ZBTB40: variants seen among roughly 807,000 people sequenced by gnomAD.
ZBTB40 encodes the protein zinc finger and BTB domain-containing protein 40.
A neutral mutation model predicts 117.5 loss-of-function variants in ZBTB40; 60 were observed. The ratio of observed to expected loss-of-function variants is 0.51; its 90% CI spans 0.41 to 0.63. The LOEUF (loss-of-function observed/expected upper bound fraction) is 0.63. Among genes scored for constraint, ZBTB40 ranks in the 30% least tolerant of loss-of-function variants. The pLI, the probability that ZBTB40 is intolerant of heterozygous loss-of-function variation, is 0.00. For synonymous variants in ZBTB40, 525 were observed against 577.1 expected (o/e 0.91, Z 1.29); for missense variants, 1,287 against 1,498.5 (o/e 0.86, Z 2.33).
intron 5 of ZBTB40, among the ~76,000 whole-genome samples, chr1:22,505,487 C>A (rs551937343): frequency 7.6e-4 from 115 of 152,172 alleles, no homozygotes; most frequent in African/African-American, 2.7e-3. Flanking sequence ...AATAAGGAAT[C>A]CACAAGAAAA....
intron 3 of ZBTB40, among the ~76,000 whole-genome samples, chr1:22,496,678 C>T (rs1638783938): frequency 6.6e-6 from 1 of 152,184 alleles, no homozygotes; most frequent in Admixed American, 6.5e-5. Context: ...TATGGCAACA[C>T]CATCATCAGG....
Position 22,513,582 on chromosome 1 carries a change from T to C in ZBTB40, c.2668+452T>C, listed in dbSNP as rs531947347. 2.6e-5 allele frequency among the ~76,000 whole-genome samples: 4 copies of C among 152,122 alleles called. No individual in the cohort carries two copies. The South Asian group carries it at 8.3e-4, about 32-fold the overall frequency. On this transcript the variant is annotated intron_variant, in intron 12 of 17. Transcript: ENST00000375647. This position sits in a 1 kb window ranked among gnomAD's most constrained non-coding sequence, Gnocchi z 4.9. ...CAGGCGTGGTGGCGGGCACCTGGAG[T>C]CTCAGCTACTCGGGAGGCTGAGGCA...
At chr1:22,480,844 C>G (rs996311245) in intron 1 of ZBTB40, among the ~76,000 whole-genome samples, 2 of 152,138 alleles carry the variant, frequency 1.3e-5, no homozygotes, top group Non-Finnish European at 2.9e-5. Context: ...TAATAAGCAA[C>G]TTTTATTGCT....
upstream of ZBTB40, among the ~76,000 whole-genome samples, chr1:22,447,589 T>C (rs112505316): frequency 1.4e-3 from 207 of 152,272 alleles, no homozygotes; most frequent in Non-Finnish European, 2.4e-3. Flanking sequence ...GCCATCTCAG[T>C]GGAAACTATT....
At chr1:22,462,063 A>G (rs145372714) in intron 1 of ZBTB40, among the ~76,000 whole-genome samples, 101 of 152,324 alleles carry the variant, frequency 6.6e-4, no homozygotes, top group African/African-American at 2.4e-3. Flanking sequence ...CCTGCACAGA[A>G]TAAGTAGGCT....
chr1:22,450,070 A>G (rs1174685664), upstream of ZBTB40, among the ~76,000 whole-genome samples: 1 of 151,850 alleles, frequency 6.6e-6, no homozygotes, highest in African/African-American at 2.4e-5. Context: ...CAGCATCCTG[A>G]GTAACTGGGA....
chr1:22,503,243 T>G (rs761895682), intron 5 of ZBTB40, among the ~76,000 whole-genome samples: 15 of 151,578 alleles, frequency 9.9e-5, no homozygotes, highest in Non-Finnish European at 1.5e-4. Context: ...GTATAAAAAT[T>G]TTCAAGCGTT....
chr1:22,464,073 A>G (rs764760359), intron 1 of ZBTB40, among the ~76,000 whole-genome samples: 20 of 152,228 alleles, frequency 1.3e-4, no homozygotes, highest in Non-Finnish European at 2.9e-5. Flanking sequence ...ATTATTGAGC[A>G]CTTGCTATGT....
chr1:22,521,358 C>A, intron 14 of ZBTB40, 138 bp from the exon 15 acceptor site: 2 of 1,083,138 alleles, frequency 1.8e-6, no homozygotes, highest in Non-Finnish European at 2.8e-6. Context: ...CATCAGCACC[C>A]GGTGTGATAG....
chr1:22,448,116 A>G (rs556420840), upstream of ZBTB40, among the ~76,000 whole-genome samples: 1 of 152,284 alleles, frequency 6.6e-6, no homozygotes, highest in South Asian at 2.1e-4. Context: ...GAATGTGGAG[A>G]GAAGACAGCA....
upstream of ZBTB40, among the ~76,000 whole-genome samples, chr1:22,450,135 G>A (rs1054887335): frequency 6.6e-6 from 1 of 152,032 alleles, no homozygotes; most frequent in African/African-American, 2.4e-5. Context: ...GTAGAGACGG[G>A]GGTTTCACCA....
chr1:22,505,509 A>G (rs1210999799), intron 5 of ZBTB40, among the ~76,000 whole-genome samples: 1 of 152,226 alleles, frequency 6.6e-6, no homozygotes, highest in African/African-American at 2.4e-5. Flanking sequence ...TAATCCAGAA[A>G]GGCACTTTAA....
intron 17 of ZBTB40, among the ~76,000 whole-genome samples, chr1:22,525,722 C>G (rs1639658015): frequency 6.6e-6 from 1 of 152,230 alleles, no homozygotes; most frequent in African/African-American, 2.4e-5. Flanking sequence ...TAAGCTCGGT[C>G]ACTGTGTGGC....
Position 22,468,617 on chromosome 1 carries a change from A to G in ZBTB40, c.-70+16613A>G, listed in dbSNP as rs146682173. On this transcript the variant is annotated intron_variant, in intron 1 of 17. Transcript: ENST00000375647. ...CAGCCTTCCAACTAGCTGGGAGTAT[A>G]GGCATGTGCCACCATGCCTGGCTGG... Among the ~76,000 whole-genome samples, 114 of 117,172 alleles carry G rather than the reference A, an allele frequency of 9.7e-4. 2 individuals carry two copies. The East Asian group carries it at 0.03, about 31-fold the overall frequency. The allele number at this position is 117,172 out of a possible 152,430, so 76.9% of individuals were successfully genotyped here. A position where few individuals can be genotyped will look rare whatever the true frequency, so the allele number is the denominator to read the frequency against.
intron 3 of ZBTB40, among the ~76,000 whole-genome samples, chr1:22,499,616 C>G (rs988760532): frequency 1.3e-5 from 2 of 152,158 alleles, no homozygotes; most frequent in African/African-American, 4.8e-5. Flanking sequence ...GTTTCTTACG[C>G]TAGTGATATG....
At chr1:22,503,394 C>A (rs974969638) in intron 5 of ZBTB40, among the ~76,000 whole-genome samples, 5 of 151,184 alleles carry the variant, frequency 3.3e-5, no homozygotes, top group Admixed American at 3.3e-4. Flanking sequence ...TTATTGATTT[C>A]AACTTTGTGC....
chr1:22,465,068 A>G (rs959498166), intron 1 of ZBTB40, among the ~76,000 whole-genome samples: 1 of 152,138 alleles, frequency 6.6e-6, no homozygotes, highest in Admixed American at 6.5e-5. Context: ...GAAAACAAAG[A>G]GCAGATTTAT....
Position 22,490,131 on chromosome 1 carries a change from C to T in ZBTB40, c.183C>T (p.Ile61=), listed in dbSNP as rs770873034. The change falls in exon 2 of 18, where the codon ATC becomes ATT. Residue 61 remains isoleucine, a synonymous_variant. Coordinates refer to ENST00000375647, the MANE Select transcript of ZBTB40 (RefSeq NM_014870.4). ...TGGATAACACAGATACCATCTCCATCGATGCATCTGTGGTGAGCCCCGAGG... is the reference window on the plus strand; with the variant it reads ...TGGATAACACAGATACCATCTCCATTGATGCATCTGTGGTGAGCCCCGAGG... ...TLLDNTDTIS[I]DASVVSPEEF... 2.4e-5 allele frequency: 39 copies of T among 1,614,060 alleles called. 1 individual carries two copies. Among genetic ancestry groups the T allele is most frequent in the South Asian group, 2.2e-4 (20 of 91,082 alleles).
intron 14 of ZBTB40, 109 bp from the exon 15 acceptor site, chr1:22,521,387 A>G: frequency 7.2e-7 from 1 of 1,395,598 alleles, no homozygotes. Flanking sequence ...GTGTGATACT[A>G]GAAACGTCAG....
Sources: allele counts gnomAD v4.1 joint callset (sites outside exome capture counted in the v4.1 genomes callset), GRCh38; gene constraint gnomAD v4.1.1; non-coding constraint Gnocchi (gnomAD v3.1); transcripts MANE v1.5; gene names NCBI Gene and HGNC (gene_info 2026-07-23, HGNC 2026-07-21).